The following CDC23 variants were observed in gnomAD, a reference collection of about 807,000 sequenced individuals.
CDC23 encodes the protein cell division cycle 23.
In CDC23, 26 loss-of-function variants were observed where a neutral mutation model predicts 81.7. The observed-to-expected ratio is 0.32, with a 90% CI of 0.23 to 0.44. CDC23 has a LOEUF of 0.44. CDC23 is among the 20% of genes least tolerant of loss of function. CDC23 has a pLI of 1.00. For missense variants in CDC23, 519 were observed against 728.0 expected (o/e 0.71, Z 3.30); for synonymous variants, 267 against 270.8 (o/e 0.99, Z 0.14).
In CDC23 at chr5:138,189,656, G is replaced by A; in HGVS notation, c.1600C>T (p.Gln534Ter). ...KLWDEASTCA[Q>*]KCCAFNDTRE... ...ACATCATTAAATGCACAACACTTTT[G>A]TGCACAAGTTGAAGCTTCATCCCAC... The change falls in exon 15 of 16, where the codon CAA becomes TAA. Residue 534 changes from glutamine to a stop codon, truncating the protein, a stop_gained. Transcript: ENST00000394886. LOFTEE classifies it high-confidence loss of function. 1 of 1,613,832 alleles carries A rather than the reference G, an allele frequency of 6.2e-7. No homozygotes were observed.
At chr5:138,197,734 A>G (rs1328953989) in intron 9 of CDC23, among the ~76,000 whole-genome samples, 1 of 151,720 alleles carries the variant, frequency 6.6e-6, no homozygotes, top group Non-Finnish European at 1.5e-5. Flanking sequence ...TCACCTCATG[A>G]TCTGCCTGCC....
chr5:138,190,184 A>G lies in CDC23; in HGVS notation c.1425-278T>C, dbSNP rs1754810479. On this transcript the variant is annotated intron_variant, in intron 13 of 15. Transcript: ENST00000394886. ...AAAATTATCTAGTAATACCCAGAGT[A>G]AAGTGGCTCATGCCTGTAATCCCAG... 1.6e-5 allele frequency: 6 copies of G among 377,148 alleles called. No homozygotes were observed. In the South Asian group the frequency reaches 1.8e-4, roughly 11 times the overall value. 23.4% of individuals were successfully genotyped at this position (377,148 alleles called of 1,614,324 possible). A position where few individuals can be genotyped will look rare whatever the true frequency, so the allele number is the denominator to read the frequency against.
Position 138,190,577 on chromosome 5 carries a change from A to AAC in CDC23, c.1425-673_1425-672dup, listed in dbSNP as rs1754815336. Among the ~76,000 whole-genome samples the AAC allele has an allele frequency of 7.2e-5, 11 of 152,324 alleles. No individual in the cohort carries two copies. The South Asian group carries it at 2.3e-3, about 32-fold the overall frequency. On this transcript the variant is annotated intron_variant, in intron 13 of 15. Coordinates refer to ENST00000394886, the MANE Select transcript of CDC23 (RefSeq NM_004661.4). ...TCAGGAGTTCAAGACCAGCCTGGCC[A>AAC]ACATGGCAAAACTCTGTCTCTACTA... is the stretch of plus-strand genomic sequence containing the variant.
chr5:138,194,755 CTT>C (rs938070791), intron 9 of CDC23, among the ~76,000 whole-genome samples: 5 of 129,544 alleles, frequency 3.9e-5, no homozygotes, highest in African/African-American at 1.5e-4. Flanking sequence ...GAGTTTCGCT[CTT>C]GTCGCCCAGG....
Position 138,206,573 on chromosome 5 carries a change from A to C in CDC23, c.346T>G (p.Phe116Val). The C allele has an allele frequency of 6.2e-7, 1 of 1,614,178 alleles. No individual in the cohort carries two copies. Among genetic ancestry groups the C allele is most frequent in the Non-Finnish European group, 8.5e-7 (1 of 1,180,010 alleles). The change falls in exon 3 of 16, where the codon TTT becomes GTT. Residue 116 changes from phenylalanine (F) to valine (V), a missense_variant. By Grantham distance (50) the Phe-to-Val change is conservative. Around this residue, in one of 4 missense-constraint regions of CDC23, gnomAD observed 180 missense variants for 239.3 expected, o/e 0.75. Coordinates refer to ENST00000394886, the MANE Select transcript of CDC23 (RefSeq NM_004661.4). ...LHGCNSKKAY[F>V]LYMYSRYLSG... ...AGATATCTGGAATACATATACAGAA[A>C]ATAGGCTTTCTTGCTATTGCAGCCA...
chr5:138,198,052 G>C, intron 9 of CDC23, 147 bp downstream of exon 9: 1 of 612,448 alleles, frequency 1.6e-6, no homozygotes, highest in Non-Finnish European at 2.8e-6. Flanking sequence ...CTGACATCTG[G>C]GCTCTCAAGC....
At position 138,188,920 on chromosome 5, in the gene CDC23, A is replaced by G. The variant is rs530169754; in HGVS notation, c.*58T>C. 6.5e-7 allele frequency: 1 copy of G among 1,537,036 alleles called. No individual in the cohort carries two copies. Among genetic ancestry groups the G allele is most frequent in the Non-Finnish European group, 8.9e-7 (1 of 1,128,010 alleles). On this transcript the variant is annotated 3_prime_UTR_variant, in exon 16 of 16. Coordinates refer to ENST00000394886, the MANE Select transcript of CDC23 (RefSeq NM_004661.4). ...TTGGAACAGACGTGCTGTTCTTTAC[A>G]TGGAGGTAAGGCTTAATTAAGATGG...
intron 13 of CDC23, among the ~76,000 whole-genome samples, chr5:138,190,673 G>A (rs1321137731): frequency 6.6e-6 from 1 of 152,026 alleles, no homozygotes; most frequent in Admixed American, 6.6e-5. Flanking sequence ...ACTGAGGCAG[G>A]AGAATCATTT....
Position 138,201,242 on chromosome 5 carries a change from G to A in CDC23, c.522-3C>T. 6.2e-7 allele frequency: 1 copy of A among 1,611,904 alleles called. No homozygotes were observed. The highest frequency in any genetic ancestry group is 8.5e-7 in the Non-Finnish European group (1 of 1,179,496). On this transcript the variant is annotated splice_region_variant and splice_polypyrimidine_tract_variant and intron_variant, in intron 5 of 15. Transcript: ENST00000394886. ...GTTTTCGAAGCACCACACCATACCT[G>A]GGAAAAAAAAGAAACAATCACAGAA...
intron 13 of CDC23, among the ~76,000 whole-genome samples, 198 bp downstream of exon 13, chr5:138,191,276 A>G (rs913133367): frequency 2.0e-5 from 3 of 152,146 alleles, no homozygotes; most frequent in Non-Finnish European, 2.9e-5. Flanking sequence ...AATTACAGGC[A>G]TGAGCCACTG....
intron 6 of CDC23, chr5:138,200,882 A>G (rs1233742595): frequency 2.0e-6 from 1 of 498,816 alleles, no homozygotes; most frequent in African/African-American, 2.0e-5. Flanking sequence ...TGAAAAAAAT[A>G]TTCTAGTATA....
chr5:138,194,858 A>G (rs1456504263), intron 9 of CDC23, among the ~76,000 whole-genome samples: 1 of 151,054 alleles, frequency 6.6e-6, no homozygotes, highest in Non-Finnish European at 1.5e-5. Flanking sequence ...AGTAGCTGGG[A>G]TTACAGGTAT....
chr5:138,195,449 G>T (rs1754874072), intron 9 of CDC23, among the ~76,000 whole-genome samples: 1 of 142,714 alleles, frequency 7.0e-6, no homozygotes, highest in South Asian at 2.1e-4. Flanking sequence ...GGGCAATCTG[G>T]CTCAGAGTCC....
Position 138,201,415 on chromosome 5 carries a change from G to GA in CDC23, c.448_449insT (p.Ala150ValfsTer3). 6.2e-7 allele frequency: 1 copy of GA among 1,613,936 alleles called. No homozygotes were observed. The stretch of plus-strand genomic sequence containing the variant: ...GAGCTCCACTCTCAATTCTCTAAGC[G>GA]CCTCATTTTTCACTTGTCCTTTTTC... On this transcript the variant is annotated frameshift_variant, in exon 5 of 16. Coordinates refer to ENST00000394886, the MANE Select transcript of CDC23 (RefSeq NM_004661.4). LOFTEE classifies it high-confidence loss of function.
At chr5:138,198,810 T>A in intron 6 of CDC23, 28 bp from the exon 7 acceptor site, 1 of 1,597,966 alleles carries the variant, frequency 6.3e-7, no homozygotes, top group Non-Finnish European at 8.5e-7. Context: ...AGGGACACAC[T>A]TAATATAACT....
At position 138,213,217 on chromosome 5, in the gene CDC23, A is replaced by T. The variant is rs1413399587; in HGVS notation, c.96T>A (p.Ile32=). 1 of 1,614,120 alleles carries T rather than the reference A, an allele frequency of 6.2e-7. No individual in the cohort carries two copies. The highest frequency in any genetic ancestry group is 2.2e-5 in the East Asian group (1 of 44,880). The change falls in exon 1 of 16, where the codon ATT becomes ATA. Residue 32 remains isoleucine (I), a synonymous_variant. Coordinates refer to ENST00000394886, the MANE Select transcript of CDC23 (RefSeq NM_004661.4). ...CCGCAATAAGCAGCAGTTGCTTTTT[A>T]ATTTCCCGCAAATCTGAGAAATCGC... ...INSDFSDLRE[I]KKQLLLIAGL... is the part of the protein sequence containing the mutation.
In CDC23 at chr5:138,201,184, C is replaced by G. The variant is rs1338615000; in HGVS notation, c.577G>C (p.Val193Leu). Residue 193 changes from valine to leucine, a missense_variant, in exon 6 of 16, where the codon GTG becomes CTG. By Grantham distance (32) the Val-to-Leu change is conservative (BLOSUM62 1). This residue lies in a region of CDC23 where 180 missense variants were observed against 239.3 expected (regional missense o/e 0.75). Coordinates refer to ENST00000394886, the MANE Select transcript of CDC23 (RefSeq NM_004661.4). The stretch of plus-strand genomic sequence containing the variant: ...AAGGGCAAAACATGAGTAGCTTCCA[C>G]AAACACATCAATGGCCTCTTTAACC... Reference protein sequence around the residue: ...DLVKEAIDVFVEATHVLPLHW... With the variant: ...DLVKEAIDVFLEATHVLPLHW... The G allele has an allele frequency of 6.2e-7, 1 of 1,614,084 alleles. No individual in the cohort carries two copies. The highest frequency in any genetic ancestry group is 1.3e-5 in the African/African-American group (1 of 74,940).
At chr5:138,194,415 T>G (rs1474654722) in intron 9 of CDC23, among the ~76,000 whole-genome samples, 1 of 152,048 alleles carries the variant, frequency 6.6e-6, no homozygotes, top group Non-Finnish European at 1.5e-5. Flanking sequence ...AGAGAGACCG[T>G]GTCTCAAAAA....
chr5:138,194,455 G>T (rs534817211), intron 9 of CDC23, among the ~76,000 whole-genome samples: 1 of 152,156 alleles, frequency 6.6e-6, no homozygotes, highest in South Asian at 2.1e-4. Flanking sequence ...CAGACAATAA[G>T]ACTAAATATT....
Sources: allele counts gnomAD v4.1 joint callset (sites outside exome capture counted in the v4.1 genomes callset), GRCh38; gene constraint gnomAD v4.1.1; regional missense constraint gnomAD v4.1.1; transcripts MANE v1.5; gene names NCBI Gene and HGNC (gene_info 2026-07-23, HGNC 2026-07-21).